STAM: variants seen among roughly 807,000 people sequenced by gnomAD.
STAM encodes the protein signal transducing adapter molecule 1.
Under a neutral mutation model 63.4 loss-of-function variants are expected in STAM, and 16 were observed. The observed-to-expected ratio is 0.25, with a 90% CI of 0.17 to 0.38. The LOEUF is 0.38. Ranked by LOEUF, STAM falls within the 10% of genes least tolerant of loss-of-function variation. The pLI is 1.00. For synonymous variants in STAM, 238 were observed against 223.9 expected, an observed-to-expected ratio of 1.06 and a Z score of -0.56; for missense variants, 636 against 657.1, an observed-to-expected ratio of 0.97 and a Z score of 0.35.
rs1554828957 is a variant in STAM, at chr10:17,704,494, C to T, written c.976C>T (p.Leu326=). Residue 326 remains leucine, a synonymous_variant, in exon 10 of 14, where the codon CTA becomes TTA. Transcript: ENST00000377524. The part of the protein sequence containing the change: ...STDPSDDQPD[L]PELLHLEAMC... Reference sequence around the variant, plus strand: ...AGACCCCAGTGATGATCAGCCAGACCTACCAGAGCTGCTTCATCTTGAAGG... The same window carrying T: ...AGACCCCAGTGATGATCAGCCAGACTTACCAGAGCTGCTTCATCTTGAAGG... 2 of 1,614,098 alleles carry T rather than the reference C, an allele frequency of 1.2e-6. No homozygotes were observed. The highest frequency in any genetic ancestry group is 8.5e-7 in the Non-Finnish European group (1 of 1,179,996).
chr10:17,650,060 G>T (rs1833677764), intron 1 of STAM, among the ~76,000 whole-genome samples: 1 of 152,220 alleles, frequency 6.6e-6, no homozygotes, highest in African/African-American at 2.4e-5. Flanking sequence ...CTTTGGGCCA[G>T]TCCACATCCT....
intron 4 of STAM, among the ~76,000 whole-genome samples, chr10:17,686,291 A>G (rs1029633643): frequency 2.6e-5 from 4 of 152,094 alleles, no homozygotes; most frequent in Admixed American, 6.5e-5. Context: ...ATTTCCAAAA[A>G]CGACTTCCTA....
At chr10:17,681,674 G>C (rs1554825392) in intron 2 of STAM, among the ~76,000 whole-genome samples, 1 of 152,154 alleles carries the variant, frequency 6.6e-6, no homozygotes, top group Non-Finnish European at 1.5e-5. Flanking sequence ...AGAGCTCCCT[G>C]TTTATGTTAT....
intron 2 of STAM, among the ~76,000 whole-genome samples, chr10:17,673,673 C>G (rs61842298): frequency 1.3e-5 from 2 of 152,106 alleles, no homozygotes; most frequent in African/African-American, 4.8e-5. Context: ...GAGAAAAACC[C>G]CGCAAACCAA....
At chr10:17,664,346 A>G (rs1834292608) in intron 2 of STAM, among the ~76,000 whole-genome samples, 1 of 152,140 alleles carries the variant, frequency 6.6e-6, no homozygotes, top group Non-Finnish European at 1.5e-5. Context: ...AAGTATACTC[A>G]CATGCCCGCT....
chr10:17,658,703 TC>T, intron 1 of STAM, among the ~76,000 whole-genome samples: 1 of 152,138 alleles, frequency 6.6e-6, no homozygotes, highest in Non-Finnish European at 1.5e-5. Context: ...CCCAGGCTGG[TC>T]TTGAACTCCT....
chr10:17,703,474 T>C (rs1554828792), intron 9 of STAM, among the ~76,000 whole-genome samples: 5 of 152,170 alleles, frequency 3.3e-5, no homozygotes, highest in African/African-American at 1.2e-4. Flanking sequence ...TTATTTGCCC[T>C]GCGTACCTAT....
At chr10:17,700,359 C>G in intron 9 of STAM, 80 bp downstream of exon 9, 1 of 1,113,320 alleles carries the variant, frequency 9.0e-7, no homozygotes, top group South Asian at 1.8e-5. Context: ...AAATTGATTA[C>G]TTGAGTTTTT....
chr10:17,705,833 C>G, intron 12 of STAM, 92 bp downstream of exon 12: 2 of 1,259,498 alleles, frequency 1.6e-6, no homozygotes, highest in East Asian at 2.5e-5. Flanking sequence ...TTTGGGAGGC[C>G]AAGGCAAGAG....
chr10:17,685,259 A>G (rs1554825934), intron 4 of STAM, among the ~76,000 whole-genome samples: 2 of 152,188 alleles, frequency 1.3e-5, no homozygotes, highest in African/African-American at 2.4e-5. Context: ...TATTTTCCTA[A>G]TGGAAAACCT....
intron 1 of STAM, among the ~76,000 whole-genome samples, chr10:17,658,124 C>T (rs1554822400): frequency 6.6e-6 from 1 of 151,958 alleles, no homozygotes. Flanking sequence ...CTAACCACTG[C>T]TTTTGTTGCA....
At chr10:17,675,849 A>G (rs1449748336) in intron 2 of STAM, among the ~76,000 whole-genome samples, 1 of 151,998 alleles carries the variant, frequency 6.6e-6, no homozygotes, top group East Asian at 1.9e-4. Flanking sequence ...ATTCACCCTG[A>G]AAGTCTTGCT....
At chr10:17,672,458 T>A (rs1554824179) in intron 2 of STAM, among the ~76,000 whole-genome samples, 1 of 152,164 alleles carries the variant, frequency 6.6e-6, no homozygotes, top group East Asian at 1.9e-4. Flanking sequence ...CCTCCTCAGA[T>A]TTTTTCCCAA....
intron 9 of STAM, among the ~76,000 whole-genome samples, chr10:17,704,012 G>A (rs1044139051): frequency 3.3e-5 from 5 of 152,238 alleles, no homozygotes; most frequent in Non-Finnish European, 5.9e-5. Flanking sequence ...GACATAAGAG[G>A]TGGAAGAACT....
At chr10:17,657,219 T>A (rs1048761109) in intron 1 of STAM, among the ~76,000 whole-genome samples, 2 of 152,168 alleles carry the variant, frequency 1.3e-5, no homozygotes, top group African/African-American at 4.8e-5. Context: ...TGTTTAACAC[T>A]TGTGGACTGT....
chr10:17,713,378 T>G (rs1047892874), intron 13 of STAM, among the ~76,000 whole-genome samples: 3 of 152,178 alleles, frequency 2.0e-5, no homozygotes, highest in African/African-American at 4.8e-5. Context: ...ACAGCAGGCT[T>G]GAATAGCTGA....
rs782659916 is a variant in STAM at position 17,660,556 on chromosome 10, T to C, written c.125+8T>C. On this transcript the variant is annotated splice_region_variant and intron_variant, in intron 2 of 13. Coordinates refer to ENST00000377524, the MANE Select transcript of STAM (RefSeq NM_003473.4). ...TGGTCAGTCTCGCACTGGGTAAGTATTTAGCGTTTCAAAGGATTTTTATTC... is the reference window on the plus strand; with the variant it reads ...TGGTCAGTCTCGCACTGGGTAAGTACTTAGCGTTTCAAAGGATTTTTATTC... 1 of 1,574,436 alleles carries C rather than the reference T, an allele frequency of 6.4e-7. No homozygotes were observed. Among genetic ancestry groups the C allele is most frequent in the Non-Finnish European group, 8.6e-7 (1 of 1,160,662 alleles).
chr10:17,708,959 T>C lies in STAM; in HGVS notation c.1385+8T>C. 1 of 1,612,654 alleles carries C rather than the reference T, an allele frequency of 6.2e-7. No homozygotes were observed. On this transcript the variant is annotated splice_region_variant and intron_variant, in intron 13 of 13. Coordinates refer to ENST00000377524, the MANE Select transcript of STAM (RefSeq NM_003473.4). ...TCAGGCCGCTTACCCAAAGTAATTT[T>C]ACTGTTGATTCTTGTTTGGAGTTAG... is the stretch of plus-strand genomic sequence containing the variant.
At chr10:17,703,024 A>G (rs539237546) in intron 9 of STAM, among the ~76,000 whole-genome samples, 1 of 106,770 alleles carries the variant, frequency 9.4e-6, no homozygotes, top group African/African-American at 3.6e-5. Flanking sequence ...AAAAAAAAAA[A>G]AAAGAAAAGA....
Sources: allele counts gnomAD v4.1 joint callset (sites outside exome capture counted in the v4.1 genomes callset), GRCh38; gene constraint gnomAD v4.1.1; transcripts MANE v1.5; gene names NCBI Gene and HGNC (gene_info 2026-07-23, HGNC 2026-07-21).